CTNND2: variants seen among roughly 807,000 people sequenced by gnomAD.
The protein encoded by CTNND2 is catenin delta 2.
In CTNND2, 22 loss-of-function variants were observed where a neutral mutation model predicts 144.4. The ratio of observed to expected loss-of-function variants is 0.15; its 90% CI spans 0.11 to 0.22. CTNND2 has a LOEUF of 0.22. CTNND2 is among the 10% of genes least tolerant of loss of function. The pLI, the probability that CTNND2 is intolerant of heterozygous loss-of-function variation, is 1.00. For synonymous variants in CTNND2, 751 were observed against 695.6 expected, an observed-to-expected ratio of 1.08 and a Z score of -1.25; for missense variants, 1,353 against 1,618.8, an observed-to-expected ratio of 0.84 and a Z score of 2.82.
chr5:11,771,426 T>C (rs933151113), intron 1 of CTNND2, among the ~76,000 whole-genome samples: 3 of 130,178 alleles, frequency 2.3e-5, no homozygotes, highest in Non-Finnish European at 4.9e-5. Context: ...ATCTAATTAG[T>C]GCAGATCTAC....
chr5:11,417,928 A>C (rs1409229242), intron 3 of CTNND2, among the ~76,000 whole-genome samples: 1 of 152,200 alleles, frequency 6.6e-6, no homozygotes, highest in African/African-American at 2.4e-5. Context: ...AACAAATATA[A>C]TAATATGACT....
intron 2 of CTNND2, among the ~76,000 whole-genome samples, chr5:11,717,545 C>G (rs1380605521): frequency 6.6e-6 from 1 of 150,666 alleles, no homozygotes; most frequent in East Asian, 2.0e-4. Context: ...CCACTGCACT[C>G]CAGCCTGGGA....
At chr5:11,886,975 CTTTTTTTTTTT>C (rs36178842) in intron 1 of CTNND2, among the ~76,000 whole-genome samples, 3 of 83,574 alleles carry the variant, frequency 3.6e-5, no homozygotes, top group Non-Finnish European at 7.2e-5. Flanking sequence ...TATCCTACTG[CTTTTTTTTTTT>C]TTTTTTTTTT....
rs561758918 is a variant in CTNND2, at chr5:11,181,390, T to C, written c.1975+18058A>G. On this transcript the variant is annotated intron_variant, in intron 11 of 21. Transcript: ENST00000304623. ...CTCCTGGGGGCTCAGGGTAGACACA[T>C]GTGGGGCCACTTTGCCCGGGAAGCA... 1.7e-3 allele frequency among the ~76,000 whole-genome samples: 253 copies of C among 152,210 alleles called. 1 individual carries two copies. Among genetic ancestry groups the C allele is most frequent in the African/African-American group, 5.9e-3 (243 of 41,530 alleles).
chr5:11,196,000 A>C (rs1336463388), intron 11 of CTNND2, among the ~76,000 whole-genome samples: 1 of 152,198 alleles, frequency 6.6e-6, no homozygotes, highest in Non-Finnish European at 1.5e-5. Flanking sequence ...CTGTGAAGAG[A>C]TATTGCCGTG....
chr5:11,647,332 G>T (rs1314429148), intron 2 of CTNND2, among the ~76,000 whole-genome samples: 1 of 152,094 alleles, frequency 6.6e-6, no homozygotes, highest in Non-Finnish European at 1.5e-5. Flanking sequence ...AACTTCAGCT[G>T]CAAAAAGAGC....
intron 16 of CTNND2, among the ~76,000 whole-genome samples, chr5:11,041,424 T>G (rs1196748044): frequency 6.6e-6 from 1 of 152,200 alleles, no homozygotes; most frequent in Non-Finnish European, 1.5e-5. Context: ...CAGAGCTGTC[T>G]CCTGAGCTTT....
intron 1 of CTNND2, among the ~76,000 whole-genome samples, chr5:11,791,821 G>GA (rs1490127487): frequency 6.6e-6 from 1 of 152,132 alleles, no homozygotes; most frequent in Non-Finnish European, 1.5e-5. Context: ...TCAGTCTTCA[G>GA]AATTTCACCC....
intron 3 of CTNND2, among the ~76,000 whole-genome samples, chr5:11,533,075 G>T (rs895521332): frequency 1.3e-5 from 2 of 152,224 alleles, no homozygotes; most frequent in African/African-American, 4.8e-5. Flanking sequence ...GGGCGGAGAA[G>T]AGGAAAGGTG....
chr5:11,813,318 C>T (rs1198869214), intron 1 of CTNND2, among the ~76,000 whole-genome samples: 1 of 152,278 alleles, frequency 6.6e-6, no homozygotes, highest in African/African-American at 2.4e-5. Flanking sequence ...TTTCTCAGAA[C>T]GTATCCCAGT....
At chr5:11,547,071 C>G (rs926512775) in intron 3 of CTNND2, among the ~76,000 whole-genome samples, 1 of 152,010 alleles carries the variant, frequency 6.6e-6, no homozygotes, top group African/African-American at 2.4e-5. Context: ...GGGTTCAAGA[C>G]CAGCCTGGCC....
At chr5:11,366,680 TAA>T (rs10714077) in intron 7 of CTNND2, among the ~76,000 whole-genome samples, 11,846 of 147,592 alleles carry the variant, frequency 0.08, 1,152 homozygotes, top group African/African-American at 0.23. Context: ...AATGTAAAAA[TAA>T]AAAAAAAAAA....
intron 3 of CTNND2, among the ~76,000 whole-genome samples, chr5:11,426,657 C>T (rs1762808104): frequency 6.6e-6 from 1 of 152,174 alleles, no homozygotes; most frequent in Non-Finnish European, 1.5e-5. Flanking sequence ...ACGTTTATGA[C>T]TGAGTAAGCA....
intron 10 of CTNND2, among the ~76,000 whole-genome samples, chr5:11,229,804 T>C (rs1302799665): frequency 6.6e-6 from 1 of 151,874 alleles, no homozygotes; most frequent in African/African-American, 2.4e-5. Flanking sequence ...ACTGTGTACA[T>C]ACACACATAT....
chr5:11,754,297 T>C (rs1430087494), intron 1 of CTNND2, among the ~76,000 whole-genome samples: 1 of 151,698 alleles, frequency 6.6e-6, no homozygotes, highest in Non-Finnish European at 1.5e-5. Context: ...TAACTTTTTT[T>C]TATGTGGGCA....
At chr5:10,993,319 T>C (rs935750192) in intron 18 of CTNND2, among the ~76,000 whole-genome samples, 4 of 152,328 alleles carry the variant, frequency 2.6e-5, no homozygotes, top group East Asian at 1.9e-4. Flanking sequence ...TTTTTCCTTA[T>C]AAAAACCGCA....
At chr5:11,117,708 A>C (rs1021536854) in intron 12 of CTNND2, 141 bp from the exon 13 acceptor site, 6 of 675,594 alleles carry the variant, frequency 8.9e-6, no homozygotes, top group Admixed American at 2.3e-5. Context: ...TATATCTTTA[A>C]TGAAAAGGGA....
chr5:11,573,328 C>T (rs1777724490), intron 2 of CTNND2, among the ~76,000 whole-genome samples: 1 of 152,102 alleles, frequency 6.6e-6, no homozygotes, highest in African/African-American at 2.4e-5. Flanking sequence ...CTGCACTGAC[C>T]AACAATTAAT....
intron 2 of CTNND2, among the ~76,000 whole-genome samples, chr5:11,569,429 G>A (rs1423441619): frequency 6.6e-6 from 1 of 151,994 alleles, no homozygotes; most frequent in Non-Finnish European, 1.5e-5. Context: ...AATACATTAG[G>A]ATTATTATAA....
Sources: allele counts gnomAD v4.1 joint callset (sites outside exome capture counted in the v4.1 genomes callset), GRCh38; gene constraint gnomAD v4.1.1; transcripts MANE v1.5; gene names NCBI Gene and HGNC (gene_info 2026-07-23, HGNC 2026-07-21).